ZNF268: variants seen among roughly 807,000 people sequenced by gnomAD.
The protein encoded by ZNF268 is zinc finger protein 3.
ZNF268 carries 20 observed loss-of-function variants against 29.3 expected under a neutral mutation model. The ratio of observed to expected loss-of-function variants is 0.68; its 90% CI spans 0.48 to 0.99. The LOEUF is 0.99. ZNF268 is among the 50% of genes least tolerant of loss of function. ZNF268 has a pLI of 0.00. For synonymous variants in ZNF268, 429 were observed against 376.9 expected (o/e 1.14, Z -1.60); for missense variants, 1,240 against 1,121.6 (o/e 1.11, Z -1.51).
Position 133,203,619 on chromosome 12 carries a change from T to C in ZNF268, c.1933T>C (p.Cys645Arg). ...AGAGAAACCCTATAGTTGTAATGAA[T>C]GTGGAAAAGCCTTTACGTTCAAATC... ...TGEKPYSCNECGKAFTFKSQL... is the reference protein window; with the variant it reads ...TGEKPYSCNERGKAFTFKSQL... The change falls in exon 6 of 6, where the codon TGT (cysteine) becomes CGT (arginine). Residue 645 changes from cysteine to arginine, a missense_variant. Physicochemically the swap from Cys to Arg is radical, Grantham distance 180. Transcript: ENST00000536435. 1.2e-5 allele frequency: 19 copies of C among 1,568,340 alleles called. No individual in the cohort carries two copies. The highest frequency in any genetic ancestry group is 1.6e-5 in the Non-Finnish European group (19 of 1,160,476).
rs2135540313 is a variant in ZNF268, at chr12:133,213,649, T to A, written c.*9119T>A. 1 of 141,306 alleles carries A rather than the reference T, an allele frequency of 7.1e-6. No homozygotes were observed. The highest frequency in any genetic ancestry group is 2.2e-4 in the East Asian group (1 of 4,544). The allele number at this position is 141,306 out of a possible 1,614,324, so 8.8% of individuals were successfully genotyped here. ...AGGTGGAGGTTGCAGTGAGCCGAGA[T>A]CATGCTACTGCACTCCAGCCCAGGT... On this transcript the variant is annotated 3_prime_UTR_variant, in exon 6 of 6. Coordinates refer to ENST00000536435, the MANE Select transcript of ZNF268 (RefSeq NM_003415.3).
chr12:133,210,026 T>C lies in ZNF268; in HGVS notation c.*5496T>C, dbSNP rs1956955100. 6.6e-6 allele frequency: 1 copy of C among 152,230 alleles called. No individual in the cohort carries two copies. Among genetic ancestry groups the C allele is most frequent in the Non-Finnish European group, 1.5e-5 (1 of 68,032 alleles). 9.4% of individuals were successfully genotyped at this position (152,230 alleles called of 1,614,324 possible). A position where few individuals can be genotyped will look rare whatever the true frequency, so the allele number is the denominator to read the frequency against. ...TTGGGCTTGCTATAAAGATGACTAGTGGAAACCTCAATAGAGGTACGATTT... is the reference window on the plus strand; with the variant it reads ...TTGGGCTTGCTATAAAGATGACTAGCGGAAACCTCAATAGAGGTACGATTT... On this transcript the variant is annotated 3_prime_UTR_variant, in exon 6 of 6. Coordinates refer to ENST00000536435, the MANE Select transcript of ZNF268 (RefSeq NM_003415.3).
At chr12:133,186,021 C>T (rs964213846) in intron 2 of ZNF268, among the ~76,000 whole-genome samples, 1 of 152,124 alleles carries the variant, frequency 6.6e-6, no homozygotes, top group African/African-American at 2.4e-5. Context: ...AGGTTCTGTG[C>T]TAAATCATTT....
In ZNF268 at chr12:133,207,203, T is replaced by C. The variant is rs1046786123; in HGVS notation, c.*2673T>C. ...AGAGACTTTTCAGGAATAGTTATTA[T>C]AAGGAAAATCCAAGGAAAAATAACC... On this transcript the variant is annotated 3_prime_UTR_variant, in exon 6 of 6. Transcript: ENST00000536435. 2 of 152,198 alleles carry C rather than the reference T, an allele frequency of 1.3e-5. No individual in the cohort carries two copies. Among genetic ancestry groups the C allele is most frequent in the Admixed American group, 6.5e-5 (1 of 15,268 alleles). The allele number at this position is 152,198 out of a possible 1,614,324, so 9.4% of individuals were successfully genotyped here. A position where few individuals can be genotyped will look rare whatever the true frequency, so the allele number is the denominator to read the frequency against.
chr12:133,185,131 G>A (rs1282218648), intron 2 of ZNF268, among the ~76,000 whole-genome samples: 1 of 148,646 alleles, frequency 6.7e-6, no homozygotes, highest in Non-Finnish European at 1.5e-5. Context: ...GTTGCAGTGA[G>A]CCAAGATCAC....
rs1224845618 is a variant in ZNF268 at position 133,214,713 on chromosome 12, C to G, written c.*10183C>G. ...TTGGGGTGATGAAACTATTTTGGAACTAAGAGGTGGTGGCTGCACAATGTT... is the reference window on the plus strand; with the variant it reads ...TTGGGGTGATGAAACTATTTTGGAAGTAAGAGGTGGTGGCTGCACAATGTT... On this transcript the variant is annotated 3_prime_UTR_variant, in exon 6 of 6. Coordinates refer to ENST00000536435, the MANE Select transcript of ZNF268 (RefSeq NM_003415.3). 6.6e-6 allele frequency: 1 copy of G among 152,176 alleles called. No homozygotes were observed. The allele number at this position is 152,176 out of a possible 1,614,324, so 9.4% of individuals were successfully genotyped here. A position where few individuals can be genotyped will look rare whatever the true frequency, so the allele number is the denominator to read the frequency against.
chr12:133,188,101 GT>G, intron 3 of ZNF268, 29 bp downstream of exon 3: 1 of 1,496,282 alleles, frequency 6.7e-7, no homozygotes, highest in South Asian at 1.3e-5. Context: ...TATTCCTAGT[GT>G]TTTCTTTATT....
At chr12:133,193,255 C>T (rs951717301) in intron 5 of ZNF268, among the ~76,000 whole-genome samples, 3 of 152,092 alleles carry the variant, frequency 2.0e-5, no homozygotes, top group East Asian at 1.9e-4. Flanking sequence ...ATTGCTTGAG[C>T]CCATGAATTT....
In ZNF268 at chr12:133,191,510, G is replaced by A. The variant is rs1036357480; in HGVS notation, c.256G>A (p.Val86Met). ...TCAGGGACCTTTGTCATTCATGGAT[G>A]TGTTTGTGGATTTTACCTGGGAGGA... The part of the protein sequence containing the change: ...KSWGPLSFMD[V>M]FVDFTWEEWQ... Residue 86 changes from valine (V) to methionine (M), a missense_variant, in exon 4 of 6, where the codon GTG becomes ATG. By Grantham distance (21) the Val-to-Met change is conservative. Around this residue, in one of 3 missense-constraint regions of ZNF268, gnomAD observed 1,177 missense variants for 1,039.6 expected, o/e 1.13. Transcript: ENST00000536435. 7 of 1,613,944 alleles carry A rather than the reference G, an allele frequency of 4.3e-6. No homozygotes were observed. The highest frequency in any genetic ancestry group is 4.0e-5 in the African/African-American group (3 of 74,920).
intron 1 of ZNF268, 127 bp downstream of exon 1, chr12:133,181,813 G>A (rs974685754): frequency 1.6e-6 from 1 of 641,730 alleles, no homozygotes; most frequent in African/African-American, 1.8e-5. Context: ...TGTGGAGATG[G>A]TGAATCCCGT....
rs546711815 is a variant in ZNF268 at position 133,183,122 on chromosome 12, C to A, written c.33+1092C>A. Among the ~76,000 whole-genome samples, 67 of 152,298 alleles carry A rather than the reference C, an allele frequency of 4.4e-4. No homozygotes were observed. The South Asian group carries it at 7.7e-3, about 17-fold the overall frequency. On this transcript the variant is annotated intron_variant, in intron 2 of 5. Coordinates refer to ENST00000536435, the MANE Select transcript of ZNF268 (RefSeq NM_003415.3). ...TTATGGGACTCTAATGCCTGATGATCTGAAGTGGAACAGTTTCATCCAGAA... is the reference window on the plus strand; with the variant it reads ...TTATGGGACTCTAATGCCTGATGATATGAAGTGGAACAGTTTCATCCAGAA...
Position 133,181,986 on chromosome 12 carries a change from C to G in ZNF268, c.-12C>G, listed in dbSNP as rs886219467. On this transcript the variant is annotated 5_prime_UTR_variant, in exon 2 of 6. Transcript: ENST00000536435. The stretch of plus-strand genomic sequence containing the variant: ...GTCACTTCCAGCGAGGCACACAAAA[C>G]TGACCGTAGGGATGGCCACCAGGGT... The G allele has an allele frequency of 1.9e-6, 3 of 1,563,798 alleles. No homozygotes were observed. The African/African-American group carries it at 4.1e-5, about 21-fold the overall frequency.
chr12:133,183,014 C>T (rs1593865069), intron 2 of ZNF268, among the ~76,000 whole-genome samples: 3 of 152,194 alleles, frequency 2.0e-5, no homozygotes, highest in African/African-American at 7.2e-5. Context: ...GGAGCCCCGC[C>T]TCCTATCAGA....
rs1956827013 is a variant in ZNF268 at position 133,203,927 on chromosome 12, A to C, written c.2241A>C (p.Thr747=). 2 of 1,592,056 alleles carry C rather than the reference A, an allele frequency of 1.3e-6. No homozygotes were observed. Among genetic ancestry groups the C allele is most frequent in the Non-Finnish European group, 1.7e-6 (2 of 1,171,306 alleles). The part of the protein sequence containing the change: ...SQLIVHQRIH[T]GENPYECSEC... ...TCATTGTGCATCAGAGAATTCACACAGGAGAAAATCCCTATGAATGCAGTG... is the reference window on the plus strand; with the variant it reads ...TCATTGTGCATCAGAGAATTCACACCGGAGAAAATCCCTATGAATGCAGTG... Residue 747 remains threonine (T), a synonymous_variant, in exon 6 of 6, where the codon ACA becomes ACC. Coordinates refer to ENST00000536435, the MANE Select transcript of ZNF268 (RefSeq NM_003415.3).
intron 5 of ZNF268, among the ~76,000 whole-genome samples, 177 bp from the exon 6 acceptor site, chr12:133,201,967 C>T (rs1350015440): frequency 6.6e-6 from 1 of 151,734 alleles, no homozygotes; most frequent in African/African-American, 2.4e-5. Context: ...TATTTATATT[C>T]AGATCTGATA....
chr12:133,188,602 A>G (rs549218812), intron 3 of ZNF268, among the ~76,000 whole-genome samples: 1 of 152,234 alleles, frequency 6.6e-6, no homozygotes, highest in Admixed American at 6.5e-5. Context: ...CCCATCCCCA[A>G]AAAGTTATTT....
chr12:133,204,746 A>G lies in ZNF268; in HGVS notation c.*216A>G. The G allele has an allele frequency of 2.4e-6, 1 of 417,736 alleles. No individual in the cohort carries two copies. Among genetic ancestry groups the G allele is most frequent in the Non-Finnish European group, 4.2e-6 (1 of 237,676 alleles). 25.9% of individuals were successfully genotyped at this position (417,736 alleles called of 1,614,324 possible). On this transcript the variant is annotated 3_prime_UTR_variant, in exon 6 of 6. Coordinates refer to ENST00000536435, the MANE Select transcript of ZNF268 (RefSeq NM_003415.3). ...ATACACAGGAAAACTGAATTTAGTA[A>G]CCACTCTGAAAATTTTTAGCAGCAA...
At chr12:133,188,365 T>C (rs562488598) in intron 3 of ZNF268, among the ~76,000 whole-genome samples, 1 of 151,966 alleles carries the variant, frequency 6.6e-6, no homozygotes, top group South Asian at 2.1e-4. Context: ...CTGGCTGATG[T>C]TTTTTATTTT....
At chr12:133,183,393 G>C (rs774052389) in intron 2 of ZNF268, among the ~76,000 whole-genome samples, 1 of 151,840 alleles carries the variant, frequency 6.6e-6, no homozygotes, top group South Asian at 2.1e-4. Context: ...CCTGTTACTC[G>C]GGAGGCTGAG....
Sources: gnomAD v4.1 joint callset for allele counts (sites outside exome capture counted in the v4.1 genomes callset) on GRCh38, gnomAD v4.1.1 for gene constraint, gnomAD v4.1.1 regional missense constraint, MANE v1.5 for transcripts, NCBI Gene and HGNC (gene_info 2026-07-23, HGNC 2026-07-21) for gene names.